PACSIN1: variants seen among roughly 807,000 people sequenced by gnomAD.
PACSIN1 encodes protein kinase C and casein kinase substrate in neurons 1.
Under a neutral mutation model 59.5 loss-of-function variants are expected in PACSIN1, and 15 were observed. The observed-to-expected ratio is 0.25, with a 90% CI of 0.17 to 0.39. The LOEUF (loss-of-function observed/expected upper bound fraction) is 0.39, where lower values mean the gene tolerates loss of function less well. Ranked by LOEUF, PACSIN1 falls within the 10% of genes least tolerant of loss-of-function variation. The pLI is 1.00. For missense variants in PACSIN1, 420 were observed against 580.2 expected, an observed-to-expected ratio of 0.72 and a Z score of 2.84; for synonymous variants, 210 against 220.6, an observed-to-expected ratio of 0.95 and a Z score of 0.42.
At chr6:34,508,954 A>T (rs1213010611) in intron 1 of PACSIN1, among the ~76,000 whole-genome samples, 2 of 152,076 alleles carry the variant, frequency 1.3e-5, no homozygotes, top group Non-Finnish European at 2.9e-5. Context: ...TTTTTCCCCC[A>T]TTCAGCAGGT....
chr6:34,482,377 C>T (rs34603400), intron 1 of PACSIN1, among the ~76,000 whole-genome samples: 1,697 of 152,282 alleles, frequency 0.011, 44 homozygotes, highest in East Asian at 0.094. Context: ...TGAGCCACTG[C>T]GCCCAGCCTT....
At position 34,529,670 on chromosome 6, in the gene PACSIN1, A is replaced by G; in HGVS notation, c.617A>G (p.Gln206Arg). Residue 206 changes from glutamine to arginine, a missense_variant, in exon 6 of 10, where the codon CAG (glutamine) becomes CGG (arginine). Physicochemically the swap from Gln to Arg is conservative, Grantham distance 43. Transcript: ENST00000244458. This position sits in a 1 kb window ranked among gnomAD's most constrained non-coding sequence, Gnocchi z 6.3. ...DKCKQDVQKT[Q>R]EKYEKVLEDV... is the part of the protein sequence containing the mutation. ...TCTCCACTCTGGTGCCCACAGACAC[A>G]GGAGAAGTATGAGAAAGTGCTGGAA... 1.2e-6 allele frequency: 2 copies of G among 1,614,000 alleles called. No individual in the cohort carries two copies. Among genetic ancestry groups the G allele is most frequent in the Non-Finnish European group, 1.7e-6 (2 of 1,179,898 alleles).
At chr6:34,480,160 C>CT (rs1422483634) in intron 1 of PACSIN1, among the ~76,000 whole-genome samples, 3 of 150,696 alleles carry the variant, frequency 2.0e-5, no homozygotes, top group Admixed American at 2.0e-4. Flanking sequence ...TTAACATTTT[C>CT]TTTTTACCAG....
intron 3 of PACSIN1, 23 bp downstream of exon 3, chr6:34,527,511 T>C: frequency 6.4e-7 from 1 of 1,565,902 alleles, no homozygotes; most frequent in East Asian, 2.4e-5. Flanking sequence ...GCTCACATCG[T>C]GCGCGCCCCC....
Position 34,532,166 on chromosome 6 carries a change from G to A in PACSIN1, c.1226-255G>A, listed in dbSNP as rs967487612. ...GGAGTCAGAACCTGAGAATAGTGTG[G>A]ATGCGAGGTCTGGTTTTGGGGACGG... On this transcript the variant is annotated intron_variant, in intron 9 of 9. Coordinates refer to ENST00000244458, the MANE Select transcript of PACSIN1 (RefSeq NM_020804.5). This position sits in a 1 kb window ranked among gnomAD's most constrained non-coding sequence, Gnocchi z 5.2. 6.6e-6 allele frequency among the ~76,000 whole-genome samples: 1 copy of A among 152,110 alleles called. No homozygotes were observed. Among genetic ancestry groups the A allele is most frequent in the Non-Finnish European group, 1.5e-5 (1 of 68,012 alleles).
chr6:34,504,622 C>T (rs574201863), intron 1 of PACSIN1, among the ~76,000 whole-genome samples: 1 of 152,254 alleles, frequency 6.6e-6, no homozygotes, highest in African/African-American at 2.4e-5. Context: ...AACCCTCAAA[C>T]ATAATTTGGA....
chr6:34,528,358 G>A (rs937846550), intron 3 of PACSIN1, among the ~76,000 whole-genome samples: 2 of 152,230 alleles, frequency 1.3e-5, no homozygotes, highest in Non-Finnish European at 2.9e-5. Context: ...ATTCCATGGG[G>A]CTCACATGCT....
chr6:34,513,315 G>A (rs3800472), intron 1 of PACSIN1, among the ~76,000 whole-genome samples: 51,439 of 152,072 alleles, frequency 0.34, 10,427 homozygotes, highest in Middle Eastern at 0.47. Context: ...TTACAAGAGG[G>A]CCTTTTGCTT....
chr6:34,528,976 C>T, intron 4 of PACSIN1, 99 bp downstream of exon 4: 1 of 929,812 alleles, frequency 1.1e-6, no homozygotes, highest in Non-Finnish European at 1.7e-6. Context: ...GGGCTGGGCA[C>T]TGCCCTCTGG....
At chr6:34,478,146 GGCTCCCGGGTTCCAGCGATTCTCCT>G (rs1402573105) in intron 1 of PACSIN1, among the ~76,000 whole-genome samples, 1 of 149,444 alleles carries the variant, frequency 6.7e-6, no homozygotes, top group Non-Finnish European at 1.5e-5. Context: ...TGCAACCTCC[GGCTCCCGGGTTCCAGCGATTCTCCT>G]GCCTCAGCCT....
intron 1 of PACSIN1, among the ~76,000 whole-genome samples, chr6:34,512,352 G>A (rs1023957485): frequency 6.6e-5 from 10 of 151,338 alleles, no homozygotes; most frequent in Admixed American, 1.3e-4. Flanking sequence ...TCAGGCTGAC[G>A]GAGGGGTGGG....
chr6:34,487,085 AGCCGAGCCCAGGGAGGTT>A (rs1766805689), intron 1 of PACSIN1, among the ~76,000 whole-genome samples: 1 of 151,800 alleles, frequency 6.6e-6, no homozygotes, highest in Non-Finnish European at 1.5e-5. Context: ...TGGGAGGATC[AGCCGAGCCCAGGGAGGTT>A]GAGGCTGCAG....
chr6:34,504,288 ATATTTTTT>A lies in PACSIN1; in HGVS notation c.-63-21953_-63-21946del, dbSNP rs1323682604. 2.0e-3 allele frequency among the ~76,000 whole-genome samples: 195 copies of A among 99,982 alleles called. 1 individual carries two copies. The highest frequency in any genetic ancestry group is 6.8e-3 in the African/African-American group (175 of 25,838). The allele number at this position is 99,982 out of a possible 152,430, so 65.6% of individuals were successfully genotyped here. On this transcript the variant is annotated intron_variant, in intron 1 of 9. Coordinates refer to ENST00000244458, the MANE Select transcript of PACSIN1 (RefSeq NM_020804.5). ...TGTGTGTGTATATATATATATATAT[ATATTTTTT>A]TTTTTTTTTTTTTAAACGGAGTTTT...
rs550270138 is a variant in PACSIN1 at position 34,518,882 on chromosome 6, G to C, written c.-63-7361G>C. On this transcript the variant is annotated intron_variant, in intron 1 of 9. Transcript: ENST00000244458. This position sits in a 1 kb window ranked among gnomAD's most constrained non-coding sequence, Gnocchi z 4.4. Reference sequence around the variant, plus strand: ...GAGGGAAGGGCTGGTCTTACTCCCTGATGAGCCTGCCCCACCTGAAACAGG... The same window carrying C: ...GAGGGAAGGGCTGGTCTTACTCCCTCATGAGCCTGCCCCACCTGAAACAGG... Among the ~76,000 whole-genome samples the C allele has an allele frequency of 6.6e-6, 1 of 152,360 alleles. No homozygotes were observed. Among genetic ancestry groups the C allele is most frequent in the African/African-American group, 2.4e-5 (1 of 41,586 alleles).
chr6:34,496,665 T>C (rs1302765056), intron 1 of PACSIN1, among the ~76,000 whole-genome samples: 2 of 152,232 alleles, frequency 1.3e-5, no homozygotes, highest in Non-Finnish European at 1.5e-5. Context: ...TGCTCCCTTC[T>C]CTGGTCATCT....
rs1767258975 is a variant in PACSIN1, at chr6:34,514,700, G to A, written c.-63-11543G>A. 2.0e-5 allele frequency among the ~76,000 whole-genome samples: 3 copies of A among 152,222 alleles called. No individual in the cohort carries two copies. The highest frequency in any genetic ancestry group is 2.1e-4 in the South Asian group (1 of 4,828). ...TATGCATGCGTGCCCATGTTGATGC[G>A]GCGCCGTGCGGGAGGCGGGCATCCC... is the stretch of plus-strand genomic sequence containing the variant. On this transcript the variant is annotated intron_variant, in intron 1 of 9. Coordinates refer to ENST00000244458, the MANE Select transcript of PACSIN1 (RefSeq NM_020804.5). The surrounding 1 kb of genome is among the most constrained non-coding windows in gnomAD (Gnocchi z 4.4).
intron 1 of PACSIN1, among the ~76,000 whole-genome samples, chr6:34,480,950 A>G (rs1377990424): frequency 6.9e-6 from 1 of 145,528 alleles, no homozygotes; most frequent in African/African-American, 2.6e-5. Flanking sequence ...CATTATCATT[A>G]TGGATTTTTA....
intron 1 of PACSIN1, among the ~76,000 whole-genome samples, chr6:34,467,476 C>T (rs1176103511): frequency 6.6e-6 from 1 of 150,962 alleles, no homozygotes; most frequent in Non-Finnish European, 1.5e-5. Context: ...CGAGCCCCTT[C>T]TTGGGCTTTC....
intron 1 of PACSIN1, among the ~76,000 whole-genome samples, chr6:34,490,953 C>G (rs1307741805): frequency 6.6e-6 from 1 of 152,150 alleles, no homozygotes; most frequent in Non-Finnish European, 1.5e-5. Context: ...ATGTCCCACC[C>G]CCGCCCTTGG....
Sources: gnomAD v4.1 joint callset for allele counts (sites outside exome capture counted in the v4.1 genomes callset) on GRCh38, gnomAD v4.1.1 for gene constraint, Gnocchi (gnomAD v3.1) non-coding constraint, MANE v1.5 for transcripts, NCBI Gene and HGNC (gene_info 2026-07-23, HGNC 2026-07-21) for gene names.